Variants in CNTN6 observed in about 807,000 individuals in gnomAD.
CNTN6 encodes the protein contactin 6, also known as contactin-6.
In CNTN6, 137 loss-of-function variants were observed where a neutral mutation model predicts 122.8. The observed-to-expected ratio is 1.12, with a 90% confidence interval of 0.97 to 1.29. CNTN6 has a LOEUF of 1.29. Among genes scored for constraint, CNTN6 ranks in the 50% most tolerant of loss-of-function variants. The probability of loss-of-function intolerance (pLI) is 0.00; values close to 1 mark genes in which losing one functional copy is unlikely to be tolerated. For synonymous variants in CNTN6, 570 were observed against 426.0 expected (o/e 1.34, Z -4.16); for missense variants, 1,634 against 1,223.4 (o/e 1.34, Z -5.01).
chr3:1,233,329 G>A (rs1363093420), intron 4 of CNTN6, among the ~76,000 whole-genome samples: 2 of 152,162 alleles, frequency 1.3e-5, no homozygotes, highest in Non-Finnish European at 2.9e-5. Context: ...TGGTGAGCTA[G>A]GCAGGGGTCT....
At chr3:1,340,382 A>C (rs974851550) in intron 11 of CNTN6, among the ~76,000 whole-genome samples, 10 of 152,186 alleles carry the variant, frequency 6.6e-5, no homozygotes, top group Non-Finnish European at 1.0e-4. Flanking sequence ...TTGTCCAAAT[A>C]CTGATAGATG....
chr3:1,276,835 C>T (rs896137698), intron 4 of CNTN6, among the ~76,000 whole-genome samples: 4 of 152,158 alleles, frequency 2.6e-5, no homozygotes, highest in East Asian at 1.9e-4. Flanking sequence ...CTAAAGTTGA[C>T]GTTCCAGATT....
At chr3:1,106,056 T>A (rs916249072) in intron 1 of CNTN6, among the ~76,000 whole-genome samples, 3 of 152,168 alleles carry the variant, frequency 2.0e-5, no homozygotes, top group Non-Finnish European at 4.4e-5. Context: ...AAATTGTATT[T>A]GAGACCTGTG....
chr3:1,274,375 C>T (rs996168830), intron 4 of CNTN6, among the ~76,000 whole-genome samples: 1 of 152,142 alleles, frequency 6.6e-6, no homozygotes, highest in Non-Finnish European at 1.5e-5. Context: ...ACATGGTAGG[C>T]ATGCCAGGTC....
intron 7 of CNTN6, 149 bp from the exon 8 acceptor site, chr3:1,321,501 G>T: frequency 1.4e-6 from 1 of 690,600 alleles, no homozygotes; most frequent in Non-Finnish European, 2.4e-6. Flanking sequence ...TGAGTGAATG[G>T]CGAATGATTG....
intron 20 of CNTN6, among the ~76,000 whole-genome samples, chr3:1,389,480 A>C (rs1393719653): frequency 2.0e-5 from 3 of 152,132 alleles, no homozygotes; most frequent in Non-Finnish European, 4.4e-5. Flanking sequence ...AAAGACCATC[A>C]AGACTAGGAA....
At chr3:1,290,044 G>C (rs1695055081) in intron 5 of CNTN6, among the ~76,000 whole-genome samples, 1 of 152,190 alleles carries the variant, frequency 6.6e-6, no homozygotes, top group Non-Finnish European at 1.5e-5. Context: ...TCACCTAGGA[G>C]CTTGTTAGCA....
rs573319799 is a variant in CNTN6 at position 1,211,077 on chromosome 3, C to T, written c.56-9610C>T. ...CCCCAGCTCATAGCCCCAACTCACACTAATGGAAAATCCTCAAAGGCTTTG... is the reference window on the plus strand; with the variant it reads ...CCCCAGCTCATAGCCCCAACTCACATTAATGGAAAATCCTCAAAGGCTTTG... On this transcript the variant is annotated intron_variant, in intron 2 of 22. Transcript: ENST00000446702. Among the ~76,000 whole-genome samples the T allele has an allele frequency of 1.4e-4, 22 of 152,310 alleles. No homozygotes were observed. The East Asian group carries it at 1.5e-3, about 11-fold the overall frequency.
At chr3:1,310,987 A>T (rs1357791314) in intron 7 of CNTN6, among the ~76,000 whole-genome samples, 1 of 152,062 alleles carries the variant, frequency 6.6e-6, no homozygotes, top group Non-Finnish European at 1.5e-5. Flanking sequence ...GACAAAAACG[A>T]GCAGGAGAAC....
intron 4 of CNTN6, among the ~76,000 whole-genome samples, chr3:1,243,378 A>T (rs2094515307): frequency 6.6e-6 from 1 of 152,156 alleles, no homozygotes; most frequent in Non-Finnish European, 1.5e-5. Context: ...GTCACAGTGG[A>T]GGCAAGGAAT....
intron 7 of CNTN6, among the ~76,000 whole-genome samples, chr3:1,315,118 C>G (rs976197623): frequency 1.3e-5 from 2 of 151,988 alleles, no homozygotes; most frequent in African/African-American, 2.4e-5. Flanking sequence ...GACTCTGTAA[C>G]ATCAGTTTCA....
At chr3:1,236,633 G>C (rs2094425863) in intron 4 of CNTN6, among the ~76,000 whole-genome samples, 1 of 152,112 alleles carries the variant, frequency 6.6e-6, no homozygotes, top group Non-Finnish European at 1.5e-5. Flanking sequence ...CGAATGAGAA[G>C]AAACCAGAGA....
chr3:1,336,079 A>AAAT (rs1703016841), intron 11 of CNTN6, among the ~76,000 whole-genome samples: 1 of 152,010 alleles, frequency 6.6e-6, no homozygotes. Flanking sequence ...AACAACAAAA[A>AAAT]AATCCCTGAA....
chr3:1,193,747 A>G (rs950061450), intron 2 of CNTN6, among the ~76,000 whole-genome samples: 3 of 152,096 alleles, frequency 2.0e-5, no homozygotes, highest in Non-Finnish European at 4.4e-5. Context: ...CCTTATTTGT[A>G]TATGATGCAG....
At chr3:1,272,971 C>T (rs1285351309) in intron 4 of CNTN6, among the ~76,000 whole-genome samples, 1 of 152,184 alleles carries the variant, frequency 6.6e-6, no homozygotes, top group Non-Finnish European at 1.5e-5. Flanking sequence ...CAAGAGAGAG[C>T]ATATGGCCCA....
At chr3:1,114,614 C>T (rs2091631864) in intron 1 of CNTN6, among the ~76,000 whole-genome samples, 1 of 152,032 alleles carries the variant, frequency 6.6e-6, no homozygotes, top group Non-Finnish European at 1.5e-5. Flanking sequence ...AATAAGAGAA[C>T]ATAAATGTGG....
At chr3:1,104,158 C>G (rs957297031) in intron 1 of CNTN6, among the ~76,000 whole-genome samples, 3 of 152,002 alleles carry the variant, frequency 2.0e-5, no homozygotes, top group African/African-American at 7.3e-5. Context: ...AAGTATACAA[C>G]TCTACCAGGT....
chr3:1,098,186 GTAAC>G (rs1363441281), intron 1 of CNTN6, among the ~76,000 whole-genome samples: 1 of 151,932 alleles, frequency 6.6e-6, no homozygotes, highest in East Asian at 1.9e-4. Flanking sequence ...GTATACATAT[GTAAC>G]TAACCTGCAC....
chr3:1,377,786 C>G (rs978853461), intron 17 of CNTN6, among the ~76,000 whole-genome samples: 2 of 152,096 alleles, frequency 1.3e-5, no homozygotes, highest in Non-Finnish European at 2.9e-5. Flanking sequence ...TCTGGATTCT[C>G]CAGAGCTGTA....
Sources: allele counts gnomAD v4.1 joint callset (sites outside exome capture counted in the v4.1 genomes callset), GRCh38; gene constraint gnomAD v4.1.1; transcripts MANE v1.5; gene names NCBI Gene and HGNC (gene_info 2026-07-23, HGNC 2026-07-21).